The following GSE1 variants were observed in gnomAD, a reference collection of about 807,000 sequenced individuals.
GSE1 encodes the protein genetic suppressor element 1.
In GSE1, 32 loss-of-function variants were observed where a neutral mutation model predicts 112.6. The observed-to-expected ratio is 0.28, with a 90% confidence interval of 0.21 to 0.38. The LOEUF is 0.38. Ranked by LOEUF, GSE1 falls within the 10% of genes least tolerant of loss-of-function variation. GSE1 has a pLI of 1.00. For missense variants in GSE1, 2,348 were observed against 1,699.2 expected (o/e 1.38, Z -6.71); for synonymous variants, 1,115 against 735.6 (o/e 1.52, Z -8.35).
intron 1 of GSE1, among the ~76,000 whole-genome samples, chr16:85,255,410 T>C (rs1041604356): frequency 6.1e-5 from 9 of 147,308 alleles, no homozygotes; most frequent in African/African-American, 7.7e-5. Context: ...TGTCAGTGCC[T>C]ACTTTTTTTT....
chr16:85,388,234 G>A (rs1204232347), intron 2 of GSE1, among the ~76,000 whole-genome samples: 1 of 137,118 alleles, frequency 7.3e-6, no homozygotes, highest in Non-Finnish European at 1.6e-5. Flanking sequence ...ATACATGGGT[G>A]GATGGATGGA....
rs111465653 is a variant in GSE1 at position 85,628,827 on chromosome 16, C to T, written c.8-5087C>T. ...ACTGCCAGTAGCCTCAAGGTGTGTG[C>T]GCCATCTGGGGTCTGGTCTGGGACT... On this transcript the variant is annotated intron_variant, in intron 1 of 15. Transcript: ENST00000253458. Among the ~76,000 whole-genome samples, 451 of 152,282 alleles carry T rather than the reference C, an allele frequency of 3.0e-3. 3 individuals carry two copies. The highest frequency in any genetic ancestry group is 0.01 in the African/African-American group (421 of 41,546).
At chr16:85,322,340 C>T (rs1427807579) in intron 1 of GSE1, among the ~76,000 whole-genome samples, 1 of 152,166 alleles carries the variant, frequency 6.6e-6, no homozygotes. Flanking sequence ...GAGCAGCCCA[C>T]CCAGAGTTGC....
At chr16:85,474,814 A>T (rs535866971) in intron 2 of GSE1, among the ~76,000 whole-genome samples, 1 of 152,142 alleles carries the variant, frequency 6.6e-6, no homozygotes, top group South Asian at 2.1e-4. Context: ...GAAAGATGCC[A>T]TGAAGCCCTT....
chr16:85,489,004 T>C (rs939658521), intron 2 of GSE1, among the ~76,000 whole-genome samples: 1 of 152,082 alleles, frequency 6.6e-6, no homozygotes, highest in Non-Finnish European at 1.5e-5. Context: ...TGAGGCAACA[T>C]GGTACAAATT....
intron 2 of GSE1, among the ~76,000 whole-genome samples, chr16:85,550,160 C>A (rs575877019): frequency 2.6e-5 from 4 of 152,248 alleles, no homozygotes; most frequent in Non-Finnish European, 5.9e-5. Context: ...AATGTCACTG[C>A]CCGAGGGCAC....
chr16:85,550,598 T>TG (rs886164699), intron 2 of GSE1, among the ~76,000 whole-genome samples: 12 of 152,078 alleles, frequency 7.9e-5, no homozygotes, highest in Admixed American at 3.3e-4. Flanking sequence ...GGCCTGGTCC[T>TG]GGGGGGCCAC....
At chr16:85,548,245 AAG>A (rs1174889761) in intron 2 of GSE1, among the ~76,000 whole-genome samples, 139 of 72,540 alleles carry the variant, frequency 1.9e-3, no homozygotes, top group African/African-American at 5.3e-3. Flanking sequence ...AAAAAAAAAA[AAG>A]AAAGAAAGAA....
chr16:85,408,253 TCAGGCCCCCCGGATAATCCTTACTGTTA>T, intron 2 of GSE1, among the ~76,000 whole-genome samples: 1 of 214 alleles, frequency 4.7e-3, no homozygotes, highest in African/African-American at 0.017. Context: ...ACTGTTACAC[TCAGGCCCCCCGGATAATCCTTACTGTTA>T]CACTCAGGGC....
chr16:85,443,828 G>A (rs2049440378), intron 2 of GSE1, among the ~76,000 whole-genome samples: 1 of 152,130 alleles, frequency 6.6e-6, no homozygotes, highest in South Asian at 2.1e-4. Context: ...GCCTCTCGGA[G>A]CTTCAGCTCC....
intron 2 of GSE1, among the ~76,000 whole-genome samples, chr16:85,364,260 G>A (rs1337797797): frequency 6.6e-6 from 1 of 152,138 alleles, no homozygotes; most frequent in Non-Finnish European, 1.5e-5. Flanking sequence ...GCTTCCGGGT[G>A]GCACCTCCTT....
chr16:85,223,007 G>A lies in GSE1; in HGVS notation c.2283+51200G>A, dbSNP rs78026609. ...ATTTCATTTTGCAGATAGTCTTACC[G>A]GACTGCTTCCCTCTAGTTTTGTTTT... On this transcript the variant is annotated intron_variant, in intron 1 of 2. Transcript: ENST00000637419. 9.4e-3 allele frequency among the ~76,000 whole-genome samples: 1,428 copies of A among 152,224 alleles called. 30 individuals are homozygous for A. Among genetic ancestry groups the A allele is most frequent in the South Asian group, 0.06 (288 of 4,824 alleles).
chr16:85,584,266 C>G (rs2046587291), intron 1 of GSE1, among the ~76,000 whole-genome samples: 1 of 152,142 alleles, frequency 6.6e-6, no homozygotes. Context: ...GAGGGAGTTC[C>G]CAGTGGGCCT....
At chr16:85,420,513 G>A (rs1318086249) in intron 2 of GSE1, among the ~76,000 whole-genome samples, 1 of 150,376 alleles carries the variant, frequency 6.6e-6, no homozygotes, top group Admixed American at 6.5e-5. Flanking sequence ...GGCTTCCAGG[G>A]CCAAGGGGGG....
chr16:85,307,775 T>C (rs1193067897), intron 1 of GSE1, among the ~76,000 whole-genome samples: 1 of 152,156 alleles, frequency 6.6e-6, no homozygotes, highest in African/African-American at 2.4e-5. Flanking sequence ...ATGAATCTTA[T>C]CATTAGCATA....
intron 2 of GSE1, among the ~76,000 whole-genome samples, chr16:85,409,419 A>G (rs1273801795): frequency 6.4e-5 from 2 of 31,112 alleles, no homozygotes; most frequent in Non-Finnish European, 1.2e-4. Context: ...CCCCTGGATA[A>G]TCCTCACTGT....
intron 1 of GSE1, among the ~76,000 whole-genome samples, chr16:85,294,661 C>CTCTG (rs2045317422): frequency 1.0e-4 from 12 of 116,034 alleles, no homozygotes; most frequent in African/African-American, 3.8e-4. Flanking sequence ...CTCTCTCTGT[C>CTCTG]TCTCTCTCTC....
At chr16:85,512,321 A>G (rs916034263) in intron 2 of GSE1, among the ~76,000 whole-genome samples, 1 of 152,170 alleles carries the variant, frequency 6.6e-6, no homozygotes, top group African/African-American at 2.4e-5. Flanking sequence ...TAGCAGGACC[A>G]GCCAGGCACC....
chr16:85,589,058 G>A (rs1420057246), intron 1 of GSE1, among the ~76,000 whole-genome samples: 2 of 152,130 alleles, frequency 1.3e-5, no homozygotes, highest in Non-Finnish European at 2.9e-5. Context: ...CTGACTTCCA[G>A]GCCCCCAAAT....
Sources: gnomAD v4.1 joint callset for allele counts (sites outside exome capture counted in the v4.1 genomes callset) on GRCh38, gnomAD v4.1.1 for gene constraint, MANE v1.5 for transcripts, NCBI Gene and HGNC (gene_info 2026-07-23, HGNC 2026-07-21) for gene names.